AADAT: variants seen among roughly 807,000 people sequenced by gnomAD.
AADAT encodes the protein aminoadipate aminotransferase.
Under a neutral mutation model 56.2 loss-of-function variants are expected in AADAT, and 25 were observed. The observed-to-expected ratio is 0.44, with a 90% CI of 0.32 to 0.62. The LOEUF is 0.62. AADAT is among the 20% of genes least tolerant of loss of function. AADAT has a pLI of 0.04. For missense variants in AADAT, 387 were observed against 510.5 expected, an observed-to-expected ratio of 0.76 and a Z score of 2.33; for synonymous variants, 173 against 164.7, an observed-to-expected ratio of 1.05 and a Z score of -0.39.
intron 10 of AADAT, among the ~76,000 whole-genome samples, chr4:170,065,383 C>T (rs1731401596): frequency 1.3e-5 from 2 of 152,086 alleles, no homozygotes; most frequent in African/African-American, 4.8e-5. Context: ...CAAAAACAAG[C>T]ATAATGATCT....
Position 170,060,272 on chromosome 4 carries a change from A to T in AADAT, c.*656T>A, listed in dbSNP as rs1215395185. The T allele has an allele frequency of 6.6e-6, 1 of 152,206 alleles. No individual in the cohort carries two copies. Among genetic ancestry groups the T allele is most frequent in the African/African-American group, 2.4e-5 (1 of 41,464 alleles). 9.4% of individuals were successfully genotyped at this position (152,206 alleles called of 1,614,324 possible). On this transcript the variant is annotated 3_prime_UTR_variant, in exon 13 of 13. Coordinates refer to ENST00000337664, the MANE Select transcript of AADAT (RefSeq NM_016228.4). ...TAAAGGAATTTCTGTGGCATAACAT[A>T]AGGTTTATGGTACTTTTACTAAAAG...
intron 3 of AADAT, among the ~76,000 whole-genome samples, chr4:170,082,675 A>G (rs1244578527): frequency 6.6e-6 from 1 of 152,134 alleles, no homozygotes; most frequent in African/African-American, 2.4e-5. Context: ...AATCATATGC[A>G]GCTTACAAGA....
chr4:170,091,545 C>T (rs1732834563), upstream of AADAT: 2 of 153,656 alleles, frequency 1.3e-5, no homozygotes, highest in South Asian at 2.0e-4. Flanking sequence ...CTGCCCGAGC[C>T]TCCCTGACGA....
chr4:170,081,057 G>C (rs1037597140), intron 3 of AADAT, among the ~76,000 whole-genome samples: 14 of 152,048 alleles, frequency 9.2e-5, no homozygotes, highest in African/African-American at 2.7e-4. Flanking sequence ...AGGTAACTCA[G>C]AACAGCAATT....
At position 170,060,961 on chromosome 4, in the gene AADAT, C is replaced by T. The variant is rs139230340; in HGVS notation, c.1245G>A (p.Gln415=). ...ASPEQMDVAF[Q]VLAQLIKESL ...ATTCTTTTATAAGTTGTGCTAATAC[C>T]TGGAAGGCCTAAAACAGAAAAAAAA... is the stretch of plus-strand genomic sequence containing the variant. The change falls in exon 13 of 13, where the codon CAG becomes CAA. Residue 415 remains glutamine (Q), a synonymous_variant. Coordinates refer to ENST00000337664, the MANE Select transcript of AADAT (RefSeq NM_016228.4). 0.011 allele frequency: 17,071 copies of T among 1,532,228 alleles called. 124 individuals carry two copies. The highest frequency in any genetic ancestry group is 0.013 in the Non-Finnish European group (14,706 of 1,138,376). 94.9% of individuals were successfully genotyped at this position (1,532,228 alleles called of 1,614,324 possible). A position where few individuals can be genotyped will look rare whatever the true frequency, so the allele number is the denominator to read the frequency against.
rs751355240 is a variant in AADAT, at chr4:170,088,405, G to A, written c.227C>T (p.Pro76Leu). 1.3e-5 allele frequency: 20 copies of A among 1,592,338 alleles called. No individual in the cohort carries two copies. Among genetic ancestry groups the A allele is most frequent in the East Asian group, 4.5e-5 (2 of 44,390 alleles). Residue 76 changes from proline (P) to leucine (L), a missense_variant, in exon 2 of 13, where the codon CCG becomes CTG. Physicochemically the swap from Pro to Leu is moderately conservative, Grantham distance 98. Coordinates refer to ENST00000337664, the MANE Select transcript of AADAT (RefSeq NM_016228.4). ...AAGTATTGATACTTACCCAGCACTC[G>A]GAGAATACTGAAGTGCTCTCTTCAT... The part of the protein sequence containing the change: ...EMMKRALQYS[P>L]SAGIPELLSW...
intron 2 of AADAT, 62 bp downstream of exon 2, chr4:170,088,333 TG>T: frequency 7.0e-7 from 1 of 1,426,586 alleles, no homozygotes; most frequent in East Asian, 2.3e-5. Flanking sequence ...TCTTTATCAA[TG>T]GGCCTTAGAA....
At chr4:170,087,335 CA>C in intron 2 of AADAT, 87 bp from the exon 3 acceptor site, 1 of 1,309,352 alleles carries the variant, frequency 7.6e-7, no homozygotes, top group South Asian at 1.4e-5. Flanking sequence ...ACAGCTTTAT[CA>C]AGCACTTTGT....
At chr4:170,069,037 A>T in intron 7 of AADAT, 111 bp downstream of exon 7, 1 of 862,536 alleles carries the variant, frequency 1.2e-6, no homozygotes, top group Non-Finnish European at 1.8e-6. Flanking sequence ...ATTTTAAGAC[A>T]AGTAGACTAC....
chr4:170,069,103 T>C lies in AADAT; in HGVS notation c.803+45A>G, dbSNP rs770092499. On this transcript the variant is annotated intron_variant, in intron 7 of 12. Coordinates refer to ENST00000337664, the MANE Select transcript of AADAT (RefSeq NM_016228.4). ...CTAAAAGATACTGAGGTACTATCTC[T>C]GGCTCTATTAGATCTAGCGTCAAGT... The C allele has an allele frequency of 2.6e-6, 4 of 1,530,422 alleles. No homozygotes were observed. The South Asian group carries it at 4.7e-5, about 18-fold the overall frequency. The allele number at this position is 1,530,422 out of a possible 1,614,324, so 94.8% of individuals were successfully genotyped here.
rs992727600 is a variant in AADAT at position 170,060,649 on chromosome 4, C to A, written c.*279G>T. 2.1e-5 allele frequency: 6 copies of A among 281,914 alleles called. No homozygotes were observed. The highest frequency in any genetic ancestry group is 3.9e-5 in the Non-Finnish European group (6 of 153,584). 17.5% of individuals were successfully genotyped at this position (281,914 alleles called of 1,614,324 possible). A position where few individuals can be genotyped will look rare whatever the true frequency, so the allele number is the denominator to read the frequency against. Reference sequence around the variant, plus strand: ...TAGGACATGTTTGAGGAAATTTAATCTTTAAGTCTAATACCAGTGTTCATT... The same window carrying A: ...TAGGACATGTTTGAGGAAATTTAATATTTAAGTCTAATACCAGTGTTCATT... On this transcript the variant is annotated 3_prime_UTR_variant, in exon 13 of 13. Transcript: ENST00000337664.
chr4:170,067,520 A>G, intron 8 of AADAT, 132 bp from the exon 9 acceptor site: 1 of 606,562 alleles, frequency 1.6e-6, no homozygotes, highest in Non-Finnish European at 2.9e-6. Flanking sequence ...TAGCTTATAT[A>G]GTCAGTGATT....
intron 5 of AADAT, among the ~76,000 whole-genome samples, chr4:170,071,208 C>A (rs1231544604): frequency 6.6e-6 from 1 of 152,240 alleles, no homozygotes; most frequent in Non-Finnish European, 1.5e-5. Flanking sequence ...CCACTGCGCC[C>A]AGCTAGATGG....
chr4:170,063,500 A>G (rs1319099576), intron 11 of AADAT, among the ~76,000 whole-genome samples: 1 of 152,232 alleles, frequency 6.6e-6, no homozygotes, highest in African/African-American at 2.4e-5. Context: ...TTATACTACA[A>G]TGCATTTATT....
chr4:170,063,798 G>A (rs1731312265), intron 11 of AADAT, among the ~76,000 whole-genome samples: 1 of 152,174 alleles, frequency 6.6e-6, no homozygotes, highest in Non-Finnish European at 1.5e-5. Context: ...GTTTCAGTGT[G>A]TATAAAAGAC....
At chr4:170,093,403 T>A (rs1283745101), upstream of AADAT, among the ~76,000 whole-genome samples, 1 of 152,036 alleles carries the variant, frequency 6.6e-6, no homozygotes, top group Non-Finnish European at 1.5e-5. Flanking sequence ...GCCACTGCAC[T>A]CCAGTGGGGG....
At chr4:170,070,110 A>T (rs1193989331) in intron 6 of AADAT, among the ~76,000 whole-genome samples, 1 of 151,850 alleles carries the variant, frequency 6.6e-6, no homozygotes, top group Non-Finnish European at 1.5e-5. Flanking sequence ...TCCATCGGGG[A>T]TGCTGCTAAC....
Position 170,075,143 on chromosome 4 carries a change from G to A in AADAT, c.445-1798C>T, listed in dbSNP as rs78418147. On this transcript the variant is annotated intron_variant, in intron 4 of 12. Transcript: ENST00000337664. The stretch of plus-strand genomic sequence containing the variant: ...GCATACAGTTTCTGTTTTTCTGTTT[G>A]GGTATGTGAAAACATTTGTGCGTGT... Among the ~76,000 whole-genome samples, 281 of 152,264 alleles carry A rather than the reference G, an allele frequency of 1.8e-3. 3 individuals are homozygous for A. The highest frequency in any genetic ancestry group is 4.5e-3 in the Admixed American group (69 of 15,284).
In AADAT at chr4:170,061,974, T is replaced by C. The variant is rs1486831747; in HGVS notation, c.1154A>G (p.Asn385Ser). 1 of 1,612,564 alleles carries C rather than the reference T, an allele frequency of 6.2e-7. No individual in the cohort carries two copies. Among genetic ancestry groups the C allele is most frequent in the South Asian group, 1.1e-5 (1 of 91,006 alleles). ...VKMGVLMLPGNAFYVDSSAPS... is the reference protein window; with the variant it reads ...VKMGVLMLPGSAFYVDSSAPS... ...AGCTGAGCTATCGACGTAGAAAGCA[T>C]TTCCAGGGAGCATTAATACCTAAGA... Residue 385 changes from asparagine to serine, a missense_variant, in exon 12 of 13, where the codon AAT becomes AGT. Asn to Ser is a conservative substitution (Grantham distance 46). Coordinates refer to ENST00000337664, the MANE Select transcript of AADAT (RefSeq NM_016228.4).
Sources: allele counts gnomAD v4.1 joint callset (sites outside exome capture counted in the v4.1 genomes callset), GRCh38; gene constraint gnomAD v4.1.1; transcripts MANE v1.5; gene names NCBI Gene and HGNC (gene_info 2026-07-23, HGNC 2026-07-21).